CORO2B: variants seen among roughly 807,000 people sequenced by gnomAD.
The protein encoded by CORO2B is coronin 2B.
CORO2B carries 26 observed loss-of-function variants against 58.8 expected under a neutral mutation model. The ratio of observed to expected loss-of-function variants is 0.44; its 90% CI spans 0.32 to 0.61. The LOEUF is 0.61. Ranked by LOEUF, CORO2B falls within the 20% of genes least tolerant of loss-of-function variation. The pLI, the probability that CORO2B is intolerant of heterozygous loss-of-function variation, is 0.04. For synonymous variants in CORO2B, 242 were observed against 253.8 expected (o/e 0.95, Z 0.44); for missense variants, 460 against 645.1 (o/e 0.71, Z 3.11).
At chr15:68,725,171 C>T (rs1011408894) in intron 11 of CORO2B, among the ~76,000 whole-genome samples, 1 of 152,066 alleles carries the variant, frequency 6.6e-6, no homozygotes, top group Non-Finnish European at 1.5e-5. Flanking sequence ...GAGTTCGAGA[C>T]CAGCCTGGCC....
intron 11 of CORO2B, among the ~76,000 whole-genome samples, chr15:68,724,809 AG>A (rs1893253122): frequency 6.6e-6 from 1 of 152,216 alleles, no homozygotes; most frequent in Non-Finnish European, 1.5e-5. Flanking sequence ...TCAGGTGTGC[AG>A]GAGCCTCAAG....
chr15:68,523,891 C>G, the CORO2B span, among the ~76,000 whole-genome samples: 2 of 152,060 alleles, frequency 1.3e-5, no homozygotes, highest in African/African-American at 4.8e-5. Flanking sequence ...ATAGTGGTTG[C>G]CTTGGGTGTC....
intron 2 of CORO2B, among the ~76,000 whole-genome samples, chr15:68,664,756 T>C (rs1229589214): frequency 1.3e-5 from 2 of 152,192 alleles, no homozygotes; most frequent in African/African-American, 4.8e-5. Flanking sequence ...TCAATTAACA[T>C]TTTTATTAAA....
chr15:68,597,818 C>T (rs1899877673), intron 1 of CORO2B, among the ~76,000 whole-genome samples: 1 of 152,130 alleles, frequency 6.6e-6, no homozygotes, highest in Non-Finnish European at 1.5e-5. Flanking sequence ...AGACCCATTG[C>T]TCTTGGCTGG....
chr15:68,638,291 C>T (rs2140266649), intron 1 of CORO2B, among the ~76,000 whole-genome samples: 1 of 152,278 alleles, frequency 6.6e-6, no homozygotes, highest in South Asian at 2.1e-4. Context: ...CAGAGACTCC[C>T]TCACAGGAGA....
chr15:68,538,840 T>G, the CORO2B span, among the ~76,000 whole-genome samples: 1 of 152,152 alleles, frequency 6.6e-6, no homozygotes, highest in African/African-American at 2.4e-5. Context: ...AGCCTGTAGG[T>G]TCTCATGGAT....
upstream of CORO2B, among the ~76,000 whole-genome samples, chr15:68,575,576 T>TTCCCC (rs1566975488): frequency 6.3e-5 from 1 of 15,916 alleles, no homozygotes. Flanking sequence ...CCTTGTGATC[T>TTCCCC]GCCCCCGCCT....
intron 2 of CORO2B, among the ~76,000 whole-genome samples, chr15:68,680,372 T>C (rs1902740956): frequency 1.3e-5 from 2 of 152,184 alleles, no homozygotes; most frequent in Admixed American, 1.3e-4. Context: ...GATAATCTCT[T>C]GGGAGGGCAA....
At chr15:68,595,813 G>A (rs749814273) in intron 1 of CORO2B, among the ~76,000 whole-genome samples, 15 of 152,198 alleles carry the variant, frequency 9.9e-5, no homozygotes, top group Non-Finnish European at 2.2e-4. Context: ...AAACAAATAC[G>A]GATGAAGCCA....
intron 2 of CORO2B, among the ~76,000 whole-genome samples, chr15:68,674,944 C>T (rs8026784): frequency 0.028 from 4,196 of 152,136 alleles, 195 homozygotes; most frequent in African/African-American, 0.095. Context: ...AGGTGGAGCA[C>T]GAAAGGAATG....
At chr15:68,545,618 G>GGC in the CORO2B span, among the ~76,000 whole-genome samples, 228 of 149,744 alleles carry the variant, frequency 1.5e-3, 2 homozygotes, top group African/African-American at 5.1e-3. Flanking sequence ...GGGGCGGGGG[G>GGC]GGTAATACTG....
intron 2 of CORO2B, among the ~76,000 whole-genome samples, chr15:68,668,194 G>A (rs1175372081): frequency 6.6e-6 from 1 of 152,200 alleles, no homozygotes; most frequent in Middle Eastern, 3.2e-3. Context: ...CTGACACACA[G>A]TGAGCCTCGG....
At chr15:68,719,372 C>T in intron 10 of CORO2B, 41 bp from the exon 11 acceptor site, 1 of 1,610,574 alleles carries the variant, frequency 6.2e-7, no homozygotes, top group Non-Finnish European at 8.5e-7. Context: ...CCTGACAGTC[C>T]ATGGGATCGT....
At chr15:68,544,412 A>G in the CORO2B span, among the ~76,000 whole-genome samples, 5 of 152,136 alleles carry the variant, frequency 3.3e-5, no homozygotes, top group African/African-American at 7.2e-5. Context: ...GCGACTCACT[A>G]AGATTCATCC....
chr15:68,636,335 T>C (rs1380450051), intron 1 of CORO2B, among the ~76,000 whole-genome samples: 1 of 152,120 alleles, frequency 6.6e-6, no homozygotes, highest in Admixed American at 6.5e-5. Flanking sequence ...ATGTCCGGCC[T>C]TGTTCACCAG....
the CORO2B span, among the ~76,000 whole-genome samples, chr15:68,518,926 G>A: frequency 6.6e-6 from 1 of 152,190 alleles, no homozygotes; most frequent in Non-Finnish European, 1.5e-5. Flanking sequence ...GAGGAGCCTG[G>A]ACCGGGTCTC....
intron 11 of CORO2B, among the ~76,000 whole-genome samples, chr15:68,723,536 C>A (rs553017787): frequency 6.6e-6 from 1 of 151,994 alleles, no homozygotes; most frequent in Non-Finnish European, 1.5e-5. Flanking sequence ...CTCACTGCAA[C>A]CTCCACCTCC....
At chr15:68,718,484 G>A (rs887304178) in intron 8 of CORO2B, among the ~76,000 whole-genome samples, 1 of 152,168 alleles carries the variant, frequency 6.6e-6, no homozygotes, top group South Asian at 2.1e-4. Context: ...GCACTGTGGT[G>A]AGGCAGGTCT....
intron 2 of CORO2B, among the ~76,000 whole-genome samples, chr15:68,687,678 A>G (rs1035347690): frequency 3.9e-5 from 6 of 152,244 alleles, no homozygotes; most frequent in African/African-American, 1.4e-4. Flanking sequence ...CACATTTACA[A>G]TAAACAGAAA....
Sources: allele counts gnomAD v4.1 joint callset (sites outside exome capture counted in the v4.1 genomes callset), GRCh38; gene constraint gnomAD v4.1.1; transcripts MANE v1.5; gene names NCBI Gene and HGNC (gene_info 2026-07-23, HGNC 2026-07-21).